Variants in MINPP1 observed in about 807,000 individuals in gnomAD.
MINPP1 encodes the protein multiple inositol polyphosphate phosphatase 1.
In MINPP1, 28 loss-of-function variants were observed where a neutral mutation model predicts 46.1. The observed-to-expected ratio is 0.61, with a 90% CI of 0.45 to 0.83. The LOEUF (loss-of-function observed/expected upper bound fraction) is 0.83, where lower values mean the gene tolerates loss of function less well. MINPP1 is among the 40% of genes least tolerant of loss of function. The probability of loss-of-function intolerance (pLI) is 0.00; values close to 1 mark genes in which losing one functional copy is unlikely to be tolerated. For synonymous variants in MINPP1, 268 were observed against 249.1 expected (o/e 1.08, Z -0.72); for missense variants, 603 against 610.0 (o/e 0.99, Z 0.12).
At position 87,508,486 on chromosome 10, in the gene MINPP1, A is replaced by C. The variant is rs1851288349; in HGVS notation, c.788A>C (p.Lys263Thr). ...GGACCAGAAATGCAGAACATTTTAA[A>C]AAAAGTTGCAGCTACTTTGCAAGTG... ...KTGPEMQNIL[K>T]KVAATLQVPV... The change falls in exon 2 of 5, where the codon AAA (lysine) becomes ACA (threonine). Residue 263 changes from lysine to threonine, a missense_variant. This residue lies in a region of MINPP1 where 344 missense variants were observed against 381.1 expected (regional missense o/e 0.90). Transcript: ENST00000371996. The C allele has an allele frequency of 6.2e-7, 1 of 1,613,794 alleles. No individual in the cohort carries two copies. The highest frequency in any genetic ancestry group is 1.1e-5 in the South Asian group (1 of 91,080).
intron 3 of MINPP1, among the ~76,000 whole-genome samples, chr10:87,519,116 A>G (rs1012190042): frequency 7.6e-6 from 1 of 131,858 alleles, no homozygotes. Context: ...CACACCCAGC[A>G]TTATACCAAA....
intron 3 of MINPP1, 152 bp downstream of exon 3, chr10:87,513,373 A>C: frequency 1.6e-6 from 1 of 642,936 alleles, no homozygotes. Flanking sequence ...TCCTTAAATA[A>C]AGAGAGATTA....
intron 4 of MINPP1, among the ~76,000 whole-genome samples, chr10:87,523,640 T>C (rs1165058649): frequency 1.3e-5 from 2 of 151,888 alleles, no homozygotes; most frequent in Non-Finnish European, 2.9e-5. Flanking sequence ...TCTTAAATAA[T>C]TTATTTCTTA....
chr10:87,543,975 G>A (rs777789571), intron 4 of MINPP1, among the ~76,000 whole-genome samples: 2 of 152,154 alleles, frequency 1.3e-5, no homozygotes, highest in Non-Finnish European at 2.9e-5. Context: ...GGGGGATGGG[G>A]GTTCCCCACC....
chr10:87,536,250 A>C (rs1488992788), intron 4 of MINPP1, among the ~76,000 whole-genome samples: 1 of 152,196 alleles, frequency 6.6e-6, no homozygotes, highest in Non-Finnish European at 1.5e-5. Flanking sequence ...AATAGCACTA[A>C]AACAGATAAA....
chr10:87,536,224 T>A (rs1336757888), intron 4 of MINPP1, among the ~76,000 whole-genome samples: 1 of 151,932 alleles, frequency 6.6e-6, no homozygotes, highest in Non-Finnish European at 1.5e-5. Context: ...AAACTCAAAG[T>A]TTAGAGAACA....
intron 1 of MINPP1, chr10:87,508,101 A>G (rs1851279740): frequency 1.3e-6 from 2 of 1,515,202 alleles, no homozygotes; most frequent in Admixed American, 2.1e-5. Flanking sequence ...TCTACAACAC[A>G]TTTAATCTTC....
chr10:87,544,047 A>G lies in MINPP1; in HGVS notation c.1068-8035A>G, dbSNP rs575270875. ...TTGACACTATCTGCCTGGATGTAGC[A>G]TCAGATCTTACAAGTTGAGGACTCA... On this transcript the variant is annotated intron_variant, in intron 4 of 4. Transcript: ENST00000371996. 7.9e-4 allele frequency among the ~76,000 whole-genome samples: 120 copies of G among 152,340 alleles called. 1 individual carries two copies. The highest frequency in any genetic ancestry group is 2.6e-3 in the African/African-American group (108 of 41,590).
At chr10:87,514,150 TAGGATGTC>T (rs1369757582) in intron 3 of MINPP1, among the ~76,000 whole-genome samples, 1 of 152,128 alleles carries the variant, frequency 6.6e-6, no homozygotes, top group Admixed American at 6.6e-5. Flanking sequence ...AACATATTCA[TAGGATGTC>T]AGGGATTAGA....
At chr10:87,527,564 G>A (rs775127246) in intron 4 of MINPP1, among the ~76,000 whole-genome samples, 3 of 152,108 alleles carry the variant, frequency 2.0e-5, no homozygotes, top group Non-Finnish European at 4.4e-5. Context: ...TTTATATGAT[G>A]GATTACTGAT....
chr10:87,519,702 A>G (rs903638549), intron 3 of MINPP1, among the ~76,000 whole-genome samples: 1 of 152,154 alleles, frequency 6.6e-6, no homozygotes, highest in Non-Finnish European at 1.5e-5. Flanking sequence ...CCCTGCTCTT[A>G]AAACTTACTA....
intron 3 of MINPP1, among the ~76,000 whole-genome samples, chr10:87,519,871 A>G (rs1004529490): frequency 2.0e-5 from 3 of 152,206 alleles, no homozygotes; most frequent in East Asian, 1.9e-4. Flanking sequence ...CTCCACTTCT[A>G]CATGAGCAAA....
chr10:87,518,281 G>A (rs1211721850), intron 3 of MINPP1, among the ~76,000 whole-genome samples: 1 of 151,130 alleles, frequency 6.6e-6, no homozygotes, highest in Non-Finnish European at 1.5e-5. Flanking sequence ...TAAATATAAA[G>A]TTTTAGTGGT....
At chr10:87,536,366 C>G (rs1851735391) in intron 4 of MINPP1, among the ~76,000 whole-genome samples, 1 of 152,178 alleles carries the variant, frequency 6.6e-6, no homozygotes, top group South Asian at 2.1e-4. Context: ...TCACTAATCT[C>G]AGCATATCAG....
At chr10:87,510,278 T>C (rs1336235096) in intron 2 of MINPP1, among the ~76,000 whole-genome samples, 1 of 152,214 alleles carries the variant, frequency 6.6e-6, no homozygotes, top group African/African-American at 2.4e-5. Flanking sequence ...TAGGGGGTGA[T>C]GCTATATGTA....
intron 3 of MINPP1, among the ~76,000 whole-genome samples, chr10:87,515,614 C>A (rs1313071182): frequency 1.3e-5 from 2 of 152,022 alleles, no homozygotes; most frequent in African/African-American, 2.4e-5. Context: ...AGGACTTTCA[C>A]TGTGAAATAG....
chr10:87,515,412 A>C (rs1162901939), intron 3 of MINPP1, among the ~76,000 whole-genome samples: 1 of 152,140 alleles, frequency 6.6e-6, no homozygotes, highest in Non-Finnish European at 1.5e-5. Context: ...AAAGGAAAAA[A>C]AAGAACTTCT....
intron 4 of MINPP1, among the ~76,000 whole-genome samples, chr10:87,526,875 T>C (rs918537241): frequency 6.6e-6 from 1 of 152,232 alleles, no homozygotes; most frequent in African/African-American, 2.4e-5. Context: ...GTATTATTTC[T>C]GAGGGCTCTG....
At chr10:87,538,949 T>C (rs1851775886) in intron 4 of MINPP1, among the ~76,000 whole-genome samples, 2 of 152,222 alleles carry the variant, frequency 1.3e-5, no homozygotes, top group Non-Finnish European at 2.9e-5. Flanking sequence ...GTAGTTGCTT[T>C]GTATCCTTTA....
Sources: allele counts gnomAD v4.1 joint callset (sites outside exome capture counted in the v4.1 genomes callset), GRCh38; gene constraint gnomAD v4.1.1; regional missense constraint gnomAD v4.1.1; transcripts MANE v1.5; gene names NCBI Gene and HGNC (gene_info 2026-07-23, HGNC 2026-07-21).